KIRREL3: variants seen among roughly 807,000 people sequenced by gnomAD.
The protein encoded by KIRREL3 is kirre like nephrin family adhesion molecule 3.
Under a neutral mutation model 89.7 loss-of-function variants are expected in KIRREL3, and 36 were observed. That is an observed-to-expected ratio of 0.40 (90% CI 0.31 to 0.53). The LOEUF (loss-of-function observed/expected upper bound fraction) is 0.53. KIRREL3 is among the 20% of genes least tolerant of loss of function. KIRREL3 has a pLI of 0.49. For missense variants in KIRREL3, 864 were observed against 1,056.6 expected, an observed-to-expected ratio of 0.82 and a Z score of 2.53; for synonymous variants, 445 against 441.4, an observed-to-expected ratio of 1.01 and a Z score of -0.10.
chr11:126,517,190 C>T (rs1958444183), intron 4 of KIRREL3, among the ~76,000 whole-genome samples: 1 of 133,244 alleles, frequency 7.5e-6, no homozygotes, highest in Non-Finnish European at 1.7e-5. Flanking sequence ...TTAATGTTTA[C>T]AACAATTCTA....
intron 1 of KIRREL3, among the ~76,000 whole-genome samples, chr11:126,818,623 T>TG (rs771686378): frequency 0.026 from 582 of 22,492 alleles, no homozygotes; most frequent in East Asian, 0.14. Context: ...GTAGTAGTAG[T>TG]AGTGTGTGTG....
chr11:126,451,078 TGC>T (rs1232566026), intron 7 of KIRREL3, among the ~76,000 whole-genome samples: 1 of 145,314 alleles, frequency 6.9e-6, no homozygotes. Flanking sequence ...TGCATGTGTG[TGC>T]GTGTGTGCAT....
At chr11:126,722,094 G>C (rs951316192) in intron 1 of KIRREL3, among the ~76,000 whole-genome samples, 2 of 152,198 alleles carry the variant, frequency 1.3e-5, no homozygotes, top group African/African-American at 2.4e-5. Flanking sequence ...TAACTCTACT[G>C]TATATACCTC....
intron 1 of KIRREL3, among the ~76,000 whole-genome samples, chr11:126,957,338 T>G (rs1490710962): frequency 6.6e-6 from 1 of 152,260 alleles, no homozygotes; most frequent in Non-Finnish European, 1.5e-5. Flanking sequence ...CATTTCATTT[T>G]CAGGATGTTA....
intron 1 of KIRREL3, among the ~76,000 whole-genome samples, chr11:126,850,045 T>C (rs1944291666): frequency 1.3e-5 from 2 of 152,346 alleles, no homozygotes; most frequent in Admixed American, 1.3e-4. Context: ...CAATCCATTC[T>C]TGTCAGGTAT....
intron 1 of KIRREL3, among the ~76,000 whole-genome samples, chr11:126,925,451 C>T (rs1013082234): frequency 6.6e-6 from 1 of 152,172 alleles, no homozygotes; most frequent in African/African-American, 2.4e-5. Flanking sequence ...ACAGAGGCTG[C>T]CTGAGGCCAG....
intron 1 of KIRREL3, among the ~76,000 whole-genome samples, chr11:126,626,130 G>T (rs1258377444): frequency 6.6e-6 from 1 of 152,178 alleles, no homozygotes; most frequent in Non-Finnish European, 1.5e-5. Flanking sequence ...GGCCCTGTGA[G>T]ATACATGTTT....
chr11:126,681,427 G>A (rs1946447398), intron 1 of KIRREL3, among the ~76,000 whole-genome samples: 1 of 152,174 alleles, frequency 6.6e-6, no homozygotes, highest in Non-Finnish European at 1.5e-5. Context: ...TGAGGTAGGT[G>A]GGCTGATGAA....
At position 126,954,084 on chromosome 11, in the gene KIRREL3, C is replaced by T. The variant is rs565231856; in HGVS notation, c.55+46371G>A. 2.0e-5 allele frequency among the ~76,000 whole-genome samples: 3 copies of T among 151,984 alleles called. No individual in the cohort carries two copies. Among genetic ancestry groups the T allele is most frequent in the South Asian group, 2.1e-4 (1 of 4,778 alleles). Reference sequence around the variant, plus strand: ...TGCGGGGTCTAATTCTCCCCAGGGTCGGTCTGTGAGCGCCTCTAATACCCT... The same window carrying T: ...TGCGGGGTCTAATTCTCCCCAGGGTTGGTCTGTGAGCGCCTCTAATACCCT... On this transcript the variant is annotated intron_variant, in intron 1 of 16. Transcript: ENST00000525144. The surrounding 1 kb of genome is among the most constrained non-coding windows in gnomAD (Gnocchi z 4.1).
Position 126,441,956 on chromosome 11 carries a change from G to T in KIRREL3, c.1253-1407C>A, listed in dbSNP as rs148123903. Among the ~76,000 whole-genome samples, 7 of 152,126 alleles carry T rather than the reference G, an allele frequency of 4.6e-5. 1 individual carries two copies. The East Asian group carries it at 1.4e-3, about 29-fold the overall frequency. ...CCGGATGGTGCTTTGTTTTATTGCT[G>T]GACTAAAACGTGATGATAATATAAA... On this transcript the variant is annotated intron_variant, in intron 10 of 16. Coordinates refer to ENST00000525144, the MANE Select transcript of KIRREL3 (RefSeq NM_032531.4). The surrounding 1 kb of genome is among the most constrained non-coding windows in gnomAD (Gnocchi z 5.0).
At chr11:126,728,797 C>T (rs1439731342) in intron 1 of KIRREL3, among the ~76,000 whole-genome samples, 1 of 152,218 alleles carries the variant, frequency 6.6e-6, no homozygotes, top group Non-Finnish European at 1.5e-5. Context: ...TCTGTGTTGG[C>T]TCCATGGCCT....
Position 126,996,130 on chromosome 11 carries a change from C to T in KIRREL3, c.55+4325G>A, listed in dbSNP as rs984477522. 6.6e-6 allele frequency among the ~76,000 whole-genome samples: 1 copy of T among 152,128 alleles called. No individual in the cohort carries two copies. The highest frequency in any genetic ancestry group is 2.4e-5 in the African/African-American group (1 of 41,414). On this transcript the variant is annotated intron_variant, in intron 1 of 16. Coordinates refer to ENST00000525144, the MANE Select transcript of KIRREL3 (RefSeq NM_032531.4). This position sits in a 1 kb window ranked among gnomAD's most constrained non-coding sequence, Gnocchi z 4.7. ...TACAGACATGCAACCACCCCCATTT[C>T]CAACAGACATGCCCCAGTTTCCCCA...
intron 1 of KIRREL3, among the ~76,000 whole-genome samples, chr11:126,572,374 C>T (rs1249471559): frequency 6.6e-6 from 1 of 152,220 alleles, no homozygotes; most frequent in Non-Finnish European, 1.5e-5. Context: ...GGATTATTAG[C>T]TTTGCTGTAC....
intron 1 of KIRREL3, among the ~76,000 whole-genome samples, chr11:126,967,522 C>T (rs1231856162): frequency 6.6e-6 from 1 of 152,080 alleles, no homozygotes; most frequent in Non-Finnish European, 1.5e-5. Context: ...TTTGAAAAAT[C>T]TCCACATCTC....
chr11:126,811,526 C>T lies in KIRREL3; in HGVS notation c.55+188929G>A, dbSNP rs142036057. 9.1e-4 allele frequency among the ~76,000 whole-genome samples: 138 copies of T among 152,314 alleles called. No individual in the cohort carries two copies. The highest frequency in any genetic ancestry group is 3.2e-3 in the African/African-American group (134 of 41,564). On this transcript the variant is annotated intron_variant, in intron 1 of 16. Transcript: ENST00000525144. The surrounding 1 kb of genome is among the most constrained non-coding windows in gnomAD (Gnocchi z 4.3). Reference sequence around the variant, plus strand: ...TAGGAACCTGTGCATTGGACGGGGACGGTGCCAGCTACAGCTGACCCTTCC... The same window carrying T: ...TAGGAACCTGTGCATTGGACGGGGATGGTGCCAGCTACAGCTGACCCTTCC...
Position 126,574,990 on chromosome 11 carries a change from A to G in KIRREL3, c.56-12078T>C, listed in dbSNP as rs1033907085. On this transcript the variant is annotated intron_variant, in intron 1 of 16. Coordinates refer to ENST00000525144, the MANE Select transcript of KIRREL3 (RefSeq NM_032531.4). This position sits in a 1 kb window ranked among gnomAD's most constrained non-coding sequence, Gnocchi z 5.3. ...GTGTCTCTGGGACCTATTTACCCCT[A>G]TGAACCACTGGGGTTCTTGACTCAG... Among the ~76,000 whole-genome samples, 2 of 152,162 alleles carry G rather than the reference A, an allele frequency of 1.3e-5. No individual in the cohort carries two copies. The highest frequency in any genetic ancestry group is 2.9e-5 in the Non-Finnish European group (2 of 68,022).
intron 1 of KIRREL3, among the ~76,000 whole-genome samples, chr11:126,799,146 G>A (rs1322262452): frequency 1.5e-5 from 2 of 136,198 alleles, no homozygotes; most frequent in Non-Finnish European, 3.1e-5. Flanking sequence ...ACCTGTGTGT[G>A]CATGTGCGTA....
intron 12 of KIRREL3, 67 bp from the exon 13 acceptor site, chr11:126,435,370 A>G: frequency 6.5e-7 from 1 of 1,542,484 alleles, no homozygotes; most frequent in Non-Finnish European, 9.0e-7. Flanking sequence ...GGGACTGGGA[A>G]TTAGCTGCTT....
Position 126,732,918 on chromosome 11 carries a change from A to G in KIRREL3, c.56-170006T>C, listed in dbSNP as rs891034132. Among the ~76,000 whole-genome samples, 5 of 152,232 alleles carry G rather than the reference A, an allele frequency of 3.3e-5. No homozygotes were observed. In the East Asian group the frequency reaches 9.6e-4, roughly 29 times the overall value. ...TGCTTAAGTGTCTTGTTTGGGACTCAAAGGGCTTGCCCTCCCATTGTATTC... is the reference window on the plus strand; with the variant it reads ...TGCTTAAGTGTCTTGTTTGGGACTCGAAGGGCTTGCCCTCCCATTGTATTC... On this transcript the variant is annotated intron_variant, in intron 1 of 16. Coordinates refer to ENST00000525144, the MANE Select transcript of KIRREL3 (RefSeq NM_032531.4).
Sources: allele counts gnomAD v4.1 joint callset (sites outside exome capture counted in the v4.1 genomes callset), GRCh38; gene constraint gnomAD v4.1.1; non-coding constraint Gnocchi (gnomAD v3.1); transcripts MANE v1.5; gene names NCBI Gene and HGNC (gene_info 2026-07-23, HGNC 2026-07-21).